VAV3: variants seen among roughly 807,000 people sequenced by gnomAD.
The protein encoded by VAV3 is vav guanine nucleotide exchange factor 3.
Under a neutral mutation model 131.2 loss-of-function variants are expected in VAV3, and 94 were observed. That is an observed-to-expected ratio of 0.72 (90% CI 0.61 to 0.85). VAV3 has a LOEUF of 0.85. Ranked by LOEUF, VAV3 falls within the 40% of genes least tolerant of loss-of-function variation. VAV3 has a pLI of 0.00. For synonymous variants in VAV3, 349 were observed against 342.0 expected, an observed-to-expected ratio of 1.02 and a Z score of -0.22; for missense variants, 939 against 1,002.7, an observed-to-expected ratio of 0.94 and a Z score of 0.86.
At chr1:107,848,945 C>A (rs1302336143) in intron 2 of VAV3, among the ~76,000 whole-genome samples, 1 of 152,016 alleles carries the variant, frequency 6.6e-6, no homozygotes, top group Non-Finnish European at 1.5e-5. Flanking sequence ...AACAGAGAGA[C>A]AAATCATAAG....
At chr1:107,604,543 C>T (rs141676002) in intron 22 of VAV3, among the ~76,000 whole-genome samples, 6 of 152,100 alleles carry the variant, frequency 3.9e-5, no homozygotes, top group Admixed American at 1.3e-4. Context: ...GCTCCTTTTG[C>T]GCTTAGGGTC....
At chr1:107,763,775 G>C (rs1003366549) in intron 9 of VAV3, among the ~76,000 whole-genome samples, 2 of 152,144 alleles carry the variant, frequency 1.3e-5, no homozygotes, top group African/African-American at 4.8e-5. Context: ...CTAAGCAATA[G>C]TTTCCCTTTG....
intron 2 of VAV3, among the ~76,000 whole-genome samples, chr1:107,782,122 T>C (rs1046037103): frequency 4.6e-5 from 7 of 152,106 alleles, no homozygotes; most frequent in Non-Finnish European, 1.0e-4. Flanking sequence ...TACACTGTGG[T>C]CCCAGCATAT....
chr1:107,952,878 CAG>C (rs1370444425), intron 1 of VAV3, among the ~76,000 whole-genome samples: 1 of 152,072 alleles, frequency 6.6e-6, no homozygotes, highest in Non-Finnish European at 1.5e-5. Context: ...CAGAAGCAAA[CAG>C]AAAGTAGAGG....
intron 20 of VAV3, among the ~76,000 whole-genome samples, chr1:107,624,030 A>G (rs1163676473): frequency 6.6e-6 from 1 of 152,212 alleles, no homozygotes; most frequent in Non-Finnish European, 1.5e-5. Context: ...AAAGGCTTCA[A>G]TTATAGTTGA....
At position 107,857,523 on chromosome 1, in the gene VAV3, G is replaced by A. The variant is rs186354733; in HGVS notation, c.321+17378C>T. Reference sequence around the variant, plus strand: ...GTAACATTTTCCATGACAATGAATGGTACAGGTTTAGGAACAATGGAGGAT... The same window carrying A: ...GTAACATTTTCCATGACAATGAATGATACAGGTTTAGGAACAATGGAGGAT... On this transcript the variant is annotated intron_variant, in intron 2 of 26. Transcript: ENST00000370056. Among the ~76,000 whole-genome samples the A allele has an allele frequency of 3.5e-3, 527 of 152,106 alleles. 1 individual carries two copies. Among genetic ancestry groups the A allele is most frequent in the Non-Finnish European group, 5.5e-3 (374 of 67,994 alleles).
rs527674759 is a variant in VAV3, at chr1:107,681,851, G to A, written c.1777+1637C>T. Among the ~76,000 whole-genome samples, 166 of 151,888 alleles carry A rather than the reference G, an allele frequency of 1.1e-3. 1 individual carries two copies. The highest frequency in any genetic ancestry group is 2.8e-3 in the African/African-American group (116 of 41,416). On this transcript the variant is annotated intron_variant, in intron 19 of 26. Coordinates refer to ENST00000370056, the MANE Select transcript of VAV3 (RefSeq NM_006113.5). The stretch of plus-strand genomic sequence containing the variant: ...TTTTGCTTGTATTTTTAGTAGAGAT[G>A]GGGTTTCACCGTGTTAGCCAGGATG...
chr1:107,727,126 A>G (rs1661892514), intron 15 of VAV3, among the ~76,000 whole-genome samples: 1 of 152,270 alleles, frequency 6.6e-6, no homozygotes, highest in South Asian at 2.1e-4. Context: ...TTTGCCATGC[A>G]AAACAAAAAT....
chr1:107,730,547 C>A (rs889571948), intron 15 of VAV3, among the ~76,000 whole-genome samples: 3 of 152,082 alleles, frequency 2.0e-5, no homozygotes, highest in Admixed American at 6.5e-5. Context: ...ATAAAGTGAT[C>A]AAAAAATCTT....
At chr1:107,626,664 C>T (rs1654039595) in intron 20 of VAV3, among the ~76,000 whole-genome samples, 2 of 152,184 alleles carry the variant, frequency 1.3e-5, no homozygotes, top group Non-Finnish European at 2.9e-5. Context: ...AGCTCCAACA[C>T]TGCCTTAAAA....
intron 17 of VAV3, among the ~76,000 whole-genome samples, chr1:107,699,298 C>A (rs1445520762): frequency 6.6e-6 from 1 of 152,258 alleles, no homozygotes; most frequent in Non-Finnish European, 1.5e-5. Context: ...CTACAGGCCC[C>A]ATGCAAGTCT....
Position 107,705,008 on chromosome 1 carries a change from T to C in VAV3, c.1556A>G (p.His519Arg). Residue 519 changes from histidine (H) to arginine (R), a missense_variant, in exon 16 of 27, where the codon CAT becomes CGT. His to Arg is a conservative substitution (Grantham distance 29, BLOSUM62 0). Coordinates refer to ENST00000370056, the MANE Select transcript of VAV3 (RefSeq NM_006113.5). ...GCAGGATGTGACTCGAGTGAAGGTA[T>C]GCATCTTGAAGTCGTGGAAATTGGA... ...ADSNFHDFKM[H>R]TFTRVTSCKV... is the part of the protein sequence containing the mutation. The C allele has an allele frequency of 6.2e-7, 1 of 1,613,972 alleles. No homozygotes were observed. The highest frequency in any genetic ancestry group is 8.5e-7 in the Non-Finnish European group (1 of 1,179,934).
intron 2 of VAV3, among the ~76,000 whole-genome samples, chr1:107,828,451 A>G (rs890412603): frequency 3.9e-5 from 6 of 152,154 alleles, no homozygotes; most frequent in African/African-American, 1.4e-4. Flanking sequence ...ATATTTCTGT[A>G]AGTCAGAAAA....
chr1:107,658,909 C>T (rs940106159), intron 19 of VAV3, among the ~76,000 whole-genome samples: 2 of 152,138 alleles, frequency 1.3e-5, no homozygotes, highest in African/African-American at 2.4e-5. Flanking sequence ...TGTCTGTTCA[C>T]TCTGATGGTG....
chr1:107,597,161 C>T (rs561835828), intron 24 of VAV3, among the ~76,000 whole-genome samples: 15 of 149,806 alleles, frequency 1.0e-4, no homozygotes, highest in South Asian at 4.2e-4. Context: ...TGAAAATAAA[C>T]GAAAAATCAC....
intron 24 of VAV3, among the ~76,000 whole-genome samples, chr1:107,600,197 G>A (rs1651731804): frequency 6.6e-6 from 1 of 152,092 alleles, no homozygotes; most frequent in Non-Finnish European, 1.5e-5. Context: ...CACATTGTAA[G>A]GACTCAATAT....
At chr1:107,890,507 C>T (rs1671260716) in intron 1 of VAV3, among the ~76,000 whole-genome samples, 1 of 152,118 alleles carries the variant, frequency 6.6e-6, no homozygotes, top group Non-Finnish European at 1.5e-5. Flanking sequence ...CTCTATTACC[C>T]CTCACCACAT....
chr1:107,870,426 G>A (rs1230787625), intron 2 of VAV3, among the ~76,000 whole-genome samples: 1 of 152,050 alleles, frequency 6.6e-6, no homozygotes, highest in Non-Finnish European at 1.5e-5. Context: ...TTGGCCATTT[G>A]TATGTCTTCT....
intron 15 of VAV3, among the ~76,000 whole-genome samples, chr1:107,706,005 C>T (rs1020481352): frequency 6.6e-6 from 1 of 151,870 alleles, no homozygotes; most frequent in Non-Finnish European, 1.5e-5. Context: ...TTACATTATT[C>T]TTGGCTTAGC....
Sources: gnomAD v4.1 joint callset for allele counts (sites outside exome capture counted in the v4.1 genomes callset) on GRCh38, gnomAD v4.1.1 for gene constraint, MANE v1.5 for transcripts, NCBI Gene and HGNC (gene_info 2026-07-23, HGNC 2026-07-21) for gene names.